RGS21: variants seen among roughly 807,000 people sequenced by gnomAD.
The protein encoded by RGS21 is regulator of G-protein signalling 21.
In RGS21, 19 loss-of-function variants were observed where a neutral mutation model predicts 18.7. The ratio of observed to expected loss-of-function variants is 1.01; its 90% CI spans 0.71 to 1.49. The LOEUF is 1.49. Ranked by LOEUF, RGS21 falls within the 40% of genes most tolerant of loss-of-function variation. The pLI is 0.00. For synonymous variants in RGS21, 56 were observed against 57.8 expected (o/e 0.97, Z 0.14); for missense variants, 194 against 176.8 (o/e 1.10, Z -0.55).
chr1:192,352,388 CAGTA>C (rs1345944097), intron 4 of RGS21, among the ~76,000 whole-genome samples, 175 bp downstream of exon 4: 3 of 151,778 alleles, frequency 2.0e-5, no homozygotes, highest in Non-Finnish European at 4.4e-5. Flanking sequence ...TTCATTGATT[CAGTA>C]AGTATTTTTC....
chr1:192,341,765 CTTTT>C (rs11285643), intron 1 of RGS21, among the ~76,000 whole-genome samples: 6 of 142,542 alleles, frequency 4.2e-5, no homozygotes, highest in Non-Finnish European at 6.1e-5. Context: ...TTGCATGGTT[CTTTT>C]TTTTTTTTTT....
chr1:192,332,386 C>A (rs1056297280), intron 1 of RGS21, among the ~76,000 whole-genome samples: 2 of 152,112 alleles, frequency 1.3e-5, no homozygotes, highest in East Asian at 1.9e-4. Context: ...TTAATCCCTG[C>A]CAAACTGTCA....
chr1:192,344,292 A>C (rs937076379), intron 2 of RGS21, among the ~76,000 whole-genome samples: 1 of 152,114 alleles, frequency 6.6e-6, no homozygotes. Context: ...ATAAAGTACA[A>C]ATATATATGT....
intron 1 of RGS21, among the ~76,000 whole-genome samples, chr1:192,331,633 T>C (rs1658652538): frequency 6.6e-6 from 1 of 151,684 alleles, no homozygotes; most frequent in Non-Finnish European, 1.5e-5. Flanking sequence ...TTCAAAAAAT[T>C]TGACATATTT....
intron 1 of RGS21, among the ~76,000 whole-genome samples, chr1:192,342,020 C>A (rs1325825641): frequency 6.6e-6 from 1 of 151,968 alleles, no homozygotes; most frequent in African/African-American, 2.4e-5. Flanking sequence ...TAGGTCATTT[C>A]TTCTACTTCT....
chr1:192,334,910 T>C (rs1658743178), intron 1 of RGS21, among the ~76,000 whole-genome samples: 1 of 152,168 alleles, frequency 6.6e-6, no homozygotes, highest in Non-Finnish European at 1.5e-5. Flanking sequence ...ACTTATGTCA[T>C]TACAAAGCTT....
chr1:192,337,646 TTAAG>T (rs1225727428), intron 1 of RGS21, among the ~76,000 whole-genome samples: 1 of 152,052 alleles, frequency 6.6e-6, no homozygotes, highest in African/African-American at 2.4e-5. Flanking sequence ...GAGGGGTCAA[TTAAG>T]TGATTATTTA....
rs111455117 is a variant in RGS21, at chr1:192,327,457, CT to C, written c.-61+10361del. Among the ~76,000 whole-genome samples the C allele has an allele frequency of 6.2e-3, 935 of 151,022 alleles. 11 individuals carry two copies. Among genetic ancestry groups the C allele is most frequent in the African/African-American group, 0.021 (862 of 41,148 alleles). On this transcript the variant is annotated intron_variant, in intron 1 of 4. Transcript: ENST00000417209. ...TAAAATTATTGCATTTTAAAACATT[CT>C]TTTTTTTTAATTTTTTTATTTATTT...
chr1:192,333,323 T>C (rs956676405), intron 1 of RGS21, among the ~76,000 whole-genome samples: 1 of 146,722 alleles, frequency 6.8e-6, no homozygotes. Context: ...GACCCATCAA[T>C]TGTAATCCTA....
At chr1:192,344,531 A>G (rs1353796408) in intron 2 of RGS21, among the ~76,000 whole-genome samples, 1 of 152,090 alleles carries the variant, frequency 6.6e-6, no homozygotes, top group Admixed American at 6.6e-5. Flanking sequence ...TAAACATCCA[A>G]TACATAGTTG....
At chr1:192,335,466 T>C (rs1658754273) in intron 1 of RGS21, among the ~76,000 whole-genome samples, 1 of 152,210 alleles carries the variant, frequency 6.6e-6, no homozygotes, top group African/African-American at 2.4e-5. Context: ...AGTGTGTTCC[T>C]TAGTTTTACG....
chr1:192,333,553 T>C (rs2102226051), intron 1 of RGS21, among the ~76,000 whole-genome samples: 1 of 144,992 alleles, frequency 6.9e-6, no homozygotes, highest in African/African-American at 2.6e-5. Flanking sequence ...ACAAGAACAC[T>C]ATGCTGATTG....
At chr1:192,331,053 AT>A (rs1658640283) in intron 1 of RGS21, among the ~76,000 whole-genome samples, 1 of 152,174 alleles carries the variant, frequency 6.6e-6, no homozygotes, top group African/African-American at 2.4e-5. Context: ...CCTATGGTTG[AT>A]GTATATGTTA....
chr1:192,332,489 G>GT (rs1658672689), intron 1 of RGS21, among the ~76,000 whole-genome samples: 1 of 152,176 alleles, frequency 6.6e-6, no homozygotes, highest in Non-Finnish European at 1.5e-5. Flanking sequence ...AGATTTAAAT[G>GT]TAACTCTAAA....
At chr1:192,361,998 A>T (rs1659193198) in intron 4 of RGS21, among the ~76,000 whole-genome samples, 2 of 152,192 alleles carry the variant, frequency 1.3e-5, no homozygotes, top group African/African-American at 4.8e-5. Context: ...TATAATTATG[A>T]GGGCAAAAGG....
chr1:192,349,155 T>A (rs927264605), intron 3 of RGS21, among the ~76,000 whole-genome samples: 1 of 152,148 alleles, frequency 6.6e-6, no homozygotes, highest in African/African-American at 2.4e-5. Flanking sequence ...TCTCTCTGTG[T>A]GTTGTGACTC....
At position 192,352,226 on chromosome 1, in the gene RGS21, C is replaced by T. The variant is rs929838408; in HGVS notation, c.255+13C>T. 6.3e-6 allele frequency: 10 copies of T among 1,583,774 alleles called. No homozygotes were observed. The Admixed American group carries it at 1.8e-4, about 29-fold the overall frequency. On this transcript the variant is annotated intron_variant, in intron 4 of 4. Transcript: ENST00000417209. ...TGCACCTAAAGAGGTGAGTGAACTA[C>T]TTCAGAACAGTGAAGAGTCATCCTG...
At chr1:192,334,122 T>A (rs996574451) in intron 1 of RGS21, among the ~76,000 whole-genome samples, 3 of 152,172 alleles carry the variant, frequency 2.0e-5, no homozygotes, top group African/African-American at 7.2e-5. Flanking sequence ...TGCATGCCTT[T>A]GCTAATCTAG....
intron 2 of RGS21, among the ~76,000 whole-genome samples, chr1:192,343,584 A>T (rs1191812798): frequency 1.6e-4 from 24 of 152,202 alleles, no homozygotes; most frequent in Non-Finnish European, 2.9e-5. Context: ...GCTTTCACGC[A>T]GTTCCCATCT....
Sources: allele counts gnomAD v4.1 joint callset (sites outside exome capture counted in the v4.1 genomes callset), GRCh38; gene constraint gnomAD v4.1.1; transcripts MANE v1.5; gene names NCBI Gene and HGNC (gene_info 2026-07-23, HGNC 2026-07-21).